DOCK9: variants seen among roughly 807,000 people sequenced by gnomAD.
The protein encoded by DOCK9 is dedicator of cytokinesis protein 9.
DOCK9 carries 89 observed loss-of-function variants against 263.3 expected under a neutral mutation model. The observed-to-expected ratio is 0.34, with a 90% CI of 0.28 to 0.40. The LOEUF (loss-of-function observed/expected upper bound fraction) is 0.40. Ranked by LOEUF, DOCK9 falls within the 10% of genes least tolerant of loss-of-function variation. The pLI, the probability that DOCK9 is intolerant of heterozygous loss-of-function variation, is 1.00. For synonymous variants in DOCK9, 976 were observed against 973.1 expected (o/e 1.00, Z -0.06); for missense variants, 2,140 against 2,603.4 (o/e 0.82, Z 3.87).
chr13:98,843,357 C>CAT (rs200978735), intron 38 of DOCK9, among the ~76,000 whole-genome samples: 2,657 of 152,116 alleles, frequency 0.017, 27 homozygotes, highest in Middle Eastern at 0.037. Flanking sequence ...CAAACATGTA[C>CAT]ATATATATAA....
At chr13:98,975,047 T>C (rs1444079595) in intron 1 of DOCK9, among the ~76,000 whole-genome samples, 1 of 152,168 alleles carries the variant, frequency 6.6e-6, no homozygotes, top group Non-Finnish European at 1.5e-5. Flanking sequence ...AACGATCCAA[T>C]TATAGTACAG....
intron 3 of DOCK9, among the ~76,000 whole-genome samples, chr13:98,928,019 AC>A (rs112722135): frequency 0.5 from 69,291 of 138,040 alleles, 16,786 homozygotes; most frequent in Middle Eastern, 0.62. Context: ...AAAAAAAAAA[AC>A]AAAAAAAAAC....
intron 1 of DOCK9, among the ~76,000 whole-genome samples, chr13:98,957,161 T>C (rs1285753811): frequency 6.6e-6 from 1 of 152,158 alleles, no homozygotes; most frequent in Non-Finnish European, 1.5e-5. Flanking sequence ...CTGGGTGGCC[T>C]GAGGAAAGGA....
At chr13:98,866,593 A>G (rs548942773) in intron 30 of DOCK9, among the ~76,000 whole-genome samples, 5 of 152,232 alleles carry the variant, frequency 3.3e-5, no homozygotes, top group Non-Finnish European at 7.3e-5. Context: ...AATTTGTTCA[A>G]TTTGATTTAC....
intron 1 of DOCK9, among the ~76,000 whole-genome samples, chr13:99,016,740 C>T (rs1350063966): frequency 6.6e-6 from 1 of 152,212 alleles, no homozygotes; most frequent in East Asian, 1.9e-4. Context: ...CCATGCTGCA[C>T]ATACAGGAAA....
chr13:98,887,143 A>ATATTT (rs1470080750), intron 18 of DOCK9, among the ~76,000 whole-genome samples: 26 of 95,258 alleles, frequency 2.7e-4, no homozygotes, highest in African/African-American at 1.0e-3. Flanking sequence ...ATATATATAT[A>ATATTT]TTTTTTTTTT....
chr13:98,874,637 T>A (rs1444337248), intron 27 of DOCK9, among the ~76,000 whole-genome samples: 2 of 152,218 alleles, frequency 1.3e-5, no homozygotes, highest in African/African-American at 4.8e-5. Flanking sequence ...AGCATCACCA[T>A]AAAATGTCAT....
chr13:98,874,810 G>A lies in DOCK9; in HGVS notation c.2943+5088C>T, dbSNP rs148387746. 3.0e-3 allele frequency among the ~76,000 whole-genome samples: 450 copies of A among 152,036 alleles called. 4 individuals are homozygous for A. The highest frequency in any genetic ancestry group is 0.01 in the African/African-American group (428 of 41,430). On this transcript the variant is annotated intron_variant, in intron 27 of 52. Coordinates refer to ENST00000682017, the MANE Select transcript of DOCK9 (RefSeq NM_001366683.2). ...TAATCTTTATACTCTCTGTCATCTCGCCACTCCTACTAAAGAACCTACTGT... is the reference window on the plus strand; with the variant it reads ...TAATCTTTATACTCTCTGTCATCTCACCACTCCTACTAAAGAACCTACTGT...
Position 98,880,571 on chromosome 13 carries a change from G to A in DOCK9, c.2847C>T (p.Phe949=). Reference sequence around the variant, plus strand: ...CCTTCAGTAGTTTGTTGCTGGTGAGGAAATCGGCAGAAGGCTTGAGAATCG... The same window carrying A: ...CCTTCAGTAGTTTGTTGCTGGTGAGAAAATCGGCAGAAGGCTTGAGAATCG... ...MTTILKPSAD[F]LTSNKLLKYS... The change falls in exon 26 of 53, where the codon TTC becomes TTT. Residue 949 remains phenylalanine (F), a synonymous_variant. Transcript: ENST00000682017. The A allele has an allele frequency of 6.2e-7, 1 of 1,613,922 alleles. No homozygotes were observed. Among genetic ancestry groups the A allele is most frequent in the Non-Finnish European group, 8.5e-7 (1 of 1,179,866 alleles).
chr13:99,061,393 T>A (rs140011530), intron 1 of DOCK9, among the ~76,000 whole-genome samples: 1 of 152,328 alleles, frequency 6.6e-6, no homozygotes, highest in East Asian at 1.9e-4. Context: ...CAACACTCCC[T>A]CACTGATAGA....
At chr13:99,023,173 G>GCAGCATTATTCACAATAGT (rs1886316242) in intron 1 of DOCK9, among the ~76,000 whole-genome samples, 1 of 152,180 alleles carries the variant, frequency 6.6e-6, no homozygotes, top group Non-Finnish European at 1.5e-5. Context: ...ACGTTCATAG[G>GCAGCATTATTCACAATAGT]CAGCATTATT....
intron 15 of DOCK9, among the ~76,000 whole-genome samples, chr13:98,889,253 G>GT (rs1413111995): frequency 2.6e-5 from 4 of 152,170 alleles, no homozygotes; most frequent in African/African-American, 9.7e-5. Context: ...AAGGGTGGGA[G>GT]TGGGGTGAGG....
At chr13:98,837,052 T>C (rs570184227) in intron 39 of DOCK9, among the ~76,000 whole-genome samples, 2 of 151,912 alleles carry the variant, frequency 1.3e-5, no homozygotes, top group Non-Finnish European at 2.9e-5. Context: ...CTCCAAAACG[T>C]TTTTATCATT....
chr13:98,818,726 A>G (rs2092070039), intron 45 of DOCK9, among the ~76,000 whole-genome samples: 1 of 152,088 alleles, frequency 6.6e-6, no homozygotes, highest in East Asian at 1.9e-4. Context: ...TTCATAAGCC[A>G]TCAAGGAAGC....
chr13:98,978,782 C>A (rs1237166313), upstream of DOCK9, among the ~76,000 whole-genome samples: 1 of 152,082 alleles, frequency 6.6e-6, no homozygotes, highest in Non-Finnish European at 1.5e-5. Flanking sequence ...GAGCAGACAT[C>A]ATAAATGACA....
At chr13:98,956,346 C>T (rs2058061603) in intron 1 of DOCK9, among the ~76,000 whole-genome samples, 1 of 152,226 alleles carries the variant, frequency 6.6e-6, no homozygotes, top group Non-Finnish European at 1.5e-5. Context: ...TCGCTTTCCA[C>T]ATGCGAGGCA....
Position 98,922,182 on chromosome 13 carries a change from C to T in DOCK9, c.487-36G>A, listed in dbSNP as rs201035239. The stretch of plus-strand genomic sequence containing the variant: ...AGGAAAACACCAGCAGTCAACCTCC[C>T]GTTATTACCTGGGTTGCTTGCTGTG... On this transcript the variant is annotated intron_variant, in intron 5 of 52. Coordinates refer to ENST00000682017, the MANE Select transcript of DOCK9 (RefSeq NM_001366683.2). 36 of 1,490,898 alleles carry T rather than the reference C, an allele frequency of 2.4e-5. No homozygotes were observed. The African/African-American group carries it at 3.7e-4, about 15-fold the overall frequency. The allele number at this position is 1,490,898 out of a possible 1,614,324, so 92.4% of individuals were successfully genotyped here. A position where few individuals can be genotyped will look rare whatever the true frequency, so the allele number is the denominator to read the frequency against.
intron 1 of DOCK9, among the ~76,000 whole-genome samples, chr13:98,965,956 T>C (rs769811811): frequency 6.6e-5 from 10 of 152,148 alleles, no homozygotes; most frequent in Non-Finnish European, 1.0e-4. Context: ...ATTTGACAAA[T>C]CTGACAAAAT....
At position 98,810,203 on chromosome 13, in the gene DOCK9, A is replaced by T; in HGVS notation, c.5219T>A (p.Ile1740Asn). 6.2e-7 allele frequency: 1 copy of T among 1,613,954 alleles called. No homozygotes were observed. Residue 1740 changes from isoleucine to asparagine, a missense_variant, in exon 46 of 53, where the codon ATC becomes AAC. Ile to Asn is a moderately radical substitution (Grantham distance 149, BLOSUM62 -3). Around this residue, in one of 2 missense-constraint regions of DOCK9, gnomAD observed 619 missense variants for 861.8 expected, o/e 0.72. Coordinates refer to ENST00000682017, the MANE Select transcript of DOCK9 (RefSeq NM_001366683.2). The part of the protein sequence containing the change: ...YELIADIYKL[I>N]IPIYEKRRDF... Reference sequence around the variant, plus strand: ...CCTCCGCTTCTCATAAATGGGGATGATAAGTTTGTAGATGTCGGCGATGAG... The same window carrying T: ...CCTCCGCTTCTCATAAATGGGGATGTTAAGTTTGTAGATGTCGGCGATGAG...
Sources: allele counts gnomAD v4.1 joint callset (sites outside exome capture counted in the v4.1 genomes callset), GRCh38; gene constraint gnomAD v4.1.1; regional missense constraint gnomAD v4.1.1; transcripts MANE v1.5; gene names NCBI Gene and HGNC (gene_info 2026-07-23, HGNC 2026-07-21).